GPR158: variants seen among roughly 807,000 people sequenced by gnomAD.
GPR158 encodes the protein G protein-coupled receptor 158.
Under a neutral mutation model 78.2 loss-of-function variants are expected in GPR158, and 30 were observed. That is an observed-to-expected ratio of 0.38 (90% confidence interval 0.29 to 0.52). GPR158 has a LOEUF of 0.52. Ranked by LOEUF, GPR158 falls within the 20% of genes least tolerant of loss-of-function variation. The probability of loss-of-function intolerance (pLI) is 0.83; values close to 1 mark genes in which losing one functional copy is unlikely to be tolerated. For missense variants in GPR158, 1,463 were observed against 1,523.5 expected (o/e 0.96, Z 0.66); for synonymous variants, 581 against 591.1 (o/e 0.98, Z 0.25).
chr10:25,466,815 C>A, intron 5 of GPR158, 96 bp downstream of exon 5: 1 of 547,300 alleles, frequency 1.8e-6, no homozygotes, highest in Non-Finnish European at 3.1e-6. Context: ...CATACACACA[C>A]CCTGGTGTTA....
At chr10:25,179,031 T>C (rs1478025983) in intron 1 of GPR158, among the ~76,000 whole-genome samples, 1 of 152,180 alleles carries the variant, frequency 6.6e-6, no homozygotes, top group East Asian at 1.9e-4. Context: ...CCAAAAAAAT[T>C]AGCCCATAGA....
At chr10:25,379,647 C>CTTTTTTTTTTTTT (rs11393897) in intron 2 of GPR158, among the ~76,000 whole-genome samples, 27 of 106,972 alleles carry the variant, frequency 2.5e-4, no homozygotes, top group Non-Finnish European at 4.3e-4. Flanking sequence ...TGAGGATTAG[C>CTTTTTTTTTTTTT]TTTTTTTTTT....
chr10:25,422,195 A>G (rs1254649172), intron 4 of GPR158, among the ~76,000 whole-genome samples: 1 of 152,058 alleles, frequency 6.6e-6, no homozygotes, highest in African/African-American at 2.4e-5. Flanking sequence ...TGTTATTACC[A>G]CTTTATTTAT....
At chr10:25,563,894 A>G (rs1258967303) in intron 6 of GPR158, among the ~76,000 whole-genome samples, 3 of 151,976 alleles carry the variant, frequency 2.0e-5, no homozygotes, top group Non-Finnish European at 4.4e-5. Context: ...TATCGTTTCT[A>G]TTAGTGTCTT....
At chr10:25,397,597 A>G (rs1337184318) in intron 3 of GPR158, among the ~76,000 whole-genome samples, 2 of 152,182 alleles carry the variant, frequency 1.3e-5, no homozygotes, top group Non-Finnish European at 2.9e-5. Context: ...CTCTCTTAGA[A>G]GGCACTATTC....
intron 2 of GPR158, among the ~76,000 whole-genome samples, chr10:25,360,871 A>T (rs901745877): frequency 3.9e-5 from 6 of 151,936 alleles, no homozygotes; most frequent in African/African-American, 1.5e-4. Flanking sequence ...CATTTTCATG[A>T]TATTGATTCT....
chr10:25,332,911 A>G (rs1230078231), intron 2 of GPR158, among the ~76,000 whole-genome samples: 1 of 152,190 alleles, frequency 6.6e-6, no homozygotes, highest in Non-Finnish European at 1.5e-5. Flanking sequence ...TTGGCATCTG[A>G]AAAAGAAAGA....
chr10:25,435,620 G>T (rs1288528182), intron 4 of GPR158, among the ~76,000 whole-genome samples: 1 of 152,148 alleles, frequency 6.6e-6, no homozygotes, highest in African/African-American at 2.4e-5. Context: ...AGGCCTACAG[G>T]ACATGGTCAA....
chr10:25,364,504 A>T (rs904306905), intron 2 of GPR158, among the ~76,000 whole-genome samples: 3 of 151,856 alleles, frequency 2.0e-5, no homozygotes, highest in African/African-American at 7.2e-5. Flanking sequence ...GCAACAGACG[A>T]TCTCACAAAG....
chr10:25,489,719 T>A (rs1215193099), intron 5 of GPR158, among the ~76,000 whole-genome samples: 1 of 152,104 alleles, frequency 6.6e-6, no homozygotes, highest in Admixed American at 6.6e-5. Context: ...GTGTTCCCAC[T>A]GCAAATCTGT....
At chr10:25,234,875 T>G (rs1257507929) in intron 2 of GPR158, among the ~76,000 whole-genome samples, 1 of 152,262 alleles carries the variant, frequency 6.6e-6, no homozygotes, top group African/African-American at 2.4e-5. Flanking sequence ...AAGCATCATT[T>G]TTTTGTATAT....
chr10:25,381,381 G>A (rs1367472139), intron 2 of GPR158, among the ~76,000 whole-genome samples: 1 of 152,164 alleles, frequency 6.6e-6, no homozygotes, highest in Non-Finnish European at 1.5e-5. Context: ...CCTTCAAGAT[G>A]TTTGGGTAGT....
At chr10:25,595,319 T>C (rs1430850370) in intron 9 of GPR158, among the ~76,000 whole-genome samples, 1 of 152,202 alleles carries the variant, frequency 6.6e-6, no homozygotes, top group Non-Finnish European at 1.5e-5. Context: ...GACACAAGTA[T>C]TTGTATAGAT....
At chr10:25,272,466 C>T (rs1336885935) in intron 2 of GPR158, among the ~76,000 whole-genome samples, 7 of 151,988 alleles carry the variant, frequency 4.6e-5, no homozygotes, top group African/African-American at 7.3e-5. Context: ...CCTTCCTTTC[C>T]GTAGCTCTTT....
chr10:25,240,145 G>T (rs1258350211), intron 2 of GPR158, among the ~76,000 whole-genome samples: 3 of 152,128 alleles, frequency 2.0e-5, no homozygotes, highest in South Asian at 2.1e-4. Flanking sequence ...ATTGTAATGG[G>T]GACAAAATTA....
At chr10:25,195,325 C>T (rs1033017950) in intron 1 of GPR158, among the ~76,000 whole-genome samples, 8 of 152,050 alleles carry the variant, frequency 5.3e-5, no homozygotes, top group African/African-American at 1.9e-4. Flanking sequence ...CATGCCTCAG[C>T]CTCCCAAGTA....
chr10:25,190,043 C>T (rs1269570597), intron 1 of GPR158, among the ~76,000 whole-genome samples: 2 of 151,936 alleles, frequency 1.3e-5, no homozygotes, highest in Non-Finnish European at 2.9e-5. Flanking sequence ...TACCATTGAG[C>T]AGTTTTATAG....
At chr10:25,550,517 A>T (rs4749046) in intron 5 of GPR158, among the ~76,000 whole-genome samples, 1 of 152,034 alleles carries the variant, frequency 6.6e-6, no homozygotes, top group South Asian at 2.1e-4. Flanking sequence ...GACTATCCTC[A>T]CTTGTTCGTT....
intron 4 of GPR158, among the ~76,000 whole-genome samples, chr10:25,433,045 A>G (rs1452501226): frequency 1.3e-5 from 2 of 152,202 alleles, no homozygotes; most frequent in East Asian, 1.9e-4. Flanking sequence ...TACAGTCACC[A>G]TTTTAGTTGG....
Sources: gnomAD v4.1 joint callset for allele counts (sites outside exome capture counted in the v4.1 genomes callset) on GRCh38, gnomAD v4.1.1 for gene constraint, MANE v1.5 for transcripts, NCBI Gene and HGNC (gene_info 2026-07-23, HGNC 2026-07-21) for gene names.